Variants in ARHGAP26 observed in about 807,000 individuals in gnomAD.
ARHGAP26 encodes rho GTPase-activating protein 26.
In ARHGAP26, 38 loss-of-function variants were observed where a neutral mutation model predicts 104.8. The observed-to-expected ratio is 0.36, with a 90% CI of 0.28 to 0.48. The LOEUF is 0.48. ARHGAP26 is among the 20% of genes least tolerant of loss of function. The pLI is 0.99. For synonymous variants in ARHGAP26, 341 were observed against 340.0 expected (o/e 1.00, Z -0.03); for missense variants, 704 against 947.9 (o/e 0.74, Z 3.38).
chr5:143,198,064 C>T (rs1328104833), intron 20 of ARHGAP26, among the ~76,000 whole-genome samples: 1 of 152,212 alleles, frequency 6.6e-6, no homozygotes, highest in African/African-American at 2.4e-5. Flanking sequence ...AGCATTTAAA[C>T]AGTGGCTTTA....
In ARHGAP26 at chr5:143,112,580, C is replaced by T. The variant is rs140858071; in HGVS notation, c.1539-8408C>T. Among the ~76,000 whole-genome samples, 284 of 152,218 alleles carry T rather than the reference C, an allele frequency of 1.9e-3. 2 individuals carry two copies. Among genetic ancestry groups the T allele is most frequent in the Middle Eastern group, 6.8e-3 (2 of 294 alleles). ...ATCTCCATAACTAATCTTGTAAAAC[C>T]GAAGCTCTGTATCCATTAAACAAAA... On this transcript the variant is annotated intron_variant, in intron 17 of 22. Coordinates refer to ENST00000645722, the MANE Select transcript of ARHGAP26 (RefSeq NM_001135608.3).
At chr5:143,012,456 G>A (rs1272390074) in intron 11 of ARHGAP26, among the ~76,000 whole-genome samples, 1 of 145,160 alleles carries the variant, frequency 6.9e-6, no homozygotes, top group Non-Finnish European at 1.5e-5. Flanking sequence ...TCTTTTCAGA[G>A]GTAGTTGCCT....
chr5:142,855,886 C>G (rs1752278485), intron 1 of ARHGAP26, among the ~76,000 whole-genome samples: 2 of 152,110 alleles, frequency 1.3e-5, no homozygotes, highest in South Asian at 4.1e-4. Flanking sequence ...GACTTATTAC[C>G]AGGAATGTAG....
At chr5:142,839,552 A>G (rs1220968572) in intron 1 of ARHGAP26, among the ~76,000 whole-genome samples, 1 of 152,076 alleles carries the variant, frequency 6.6e-6, no homozygotes, top group Non-Finnish European at 1.5e-5. Flanking sequence ...GATTTTTCTC[A>G]TTAAAAGAAT....
intron 1 of ARHGAP26, among the ~76,000 whole-genome samples, chr5:142,816,044 C>T (rs984514399): frequency 7.2e-5 from 11 of 152,056 alleles, no homozygotes; most frequent in East Asian, 1.9e-4. Flanking sequence ...GCCGTCCACC[C>T]GCCTGGGCCT....
At chr5:142,913,539 C>G (rs774718289) in intron 10 of ARHGAP26, among the ~76,000 whole-genome samples, 14 of 152,124 alleles carry the variant, frequency 9.2e-5, no homozygotes, top group Admixed American at 2.0e-4. Flanking sequence ...AGCACTGAAT[C>G]ACTGGCTTGG....
intron 11 of ARHGAP26, among the ~76,000 whole-genome samples, chr5:142,997,752 CTT>C (rs376062186): frequency 2.7e-4 from 39 of 145,190 alleles, no homozygotes; most frequent in African/African-American, 9.3e-4. Flanking sequence ...TTTAGTGCTA[CTT>C]TTTTTTTTTT....
chr5:143,126,878 T>G (rs1796788717), intron 18 of ARHGAP26, among the ~76,000 whole-genome samples: 1 of 152,188 alleles, frequency 6.6e-6, no homozygotes, highest in Non-Finnish European at 1.5e-5. Context: ...ATGAACAGAA[T>G]CTTTTCTCCA....
At chr5:143,077,176 C>A (rs942833801) in intron 17 of ARHGAP26, among the ~76,000 whole-genome samples, 2 of 152,158 alleles carry the variant, frequency 1.3e-5, no homozygotes, top group African/African-American at 4.8e-5. Context: ...TCTGTGAATG[C>A]CTCAGGTATG....
chr5:143,168,184 A>G (rs1362439306), intron 20 of ARHGAP26, among the ~76,000 whole-genome samples: 1 of 152,200 alleles, frequency 6.6e-6, no homozygotes, highest in East Asian at 1.9e-4. Flanking sequence ...GGAGCTGCTC[A>G]TAGTTAACTT....
At chr5:142,892,225 G>A (rs1471560537) in intron 5 of ARHGAP26, among the ~76,000 whole-genome samples, 1 of 151,970 alleles carries the variant, frequency 6.6e-6, no homozygotes, top group East Asian at 1.9e-4. Flanking sequence ...AGGTCTAGAT[G>A]AGGATGGCTC....
In ARHGAP26 at chr5:143,222,443, C is replaced by T. The variant is rs202210306; in HGVS notation, c.2277C>T (p.Leu759=). The change falls in exon 23 of 23, where the codon CTC becomes CTT. Residue 759 remains leucine, a synonymous_variant. Coordinates refer to ENST00000645722, the MANE Select transcript of ARHGAP26 (RefSeq NM_001135608.3). ...TCCCTGAGAATTACGTGGAGTTCCTCTAACCGTGGGCCCCAGCAGAACTGC... is the reference window on the plus strand; with the variant it reads ...TCCCTGAGAATTACGTGGAGTTCCTTTAACCGTGGGCCCCAGCAGAACTGC... ...GLIPENYVEF[L] 3 of 1,592,432 alleles carry T rather than the reference C, an allele frequency of 1.9e-6. No individual in the cohort carries two copies. The highest frequency in any genetic ancestry group is 2.6e-6 in the Non-Finnish European group (3 of 1,164,606).
intron 20 of ARHGAP26, chr5:143,202,450 T>C (rs1250433306): frequency 2.6e-5 from 4 of 152,200 alleles, no homozygotes; most frequent in Non-Finnish European, 5.9e-5. Flanking sequence ...TCCATGTTCA[T>C]GGATAGGAAG....
intron 5 of ARHGAP26, among the ~76,000 whole-genome samples, chr5:142,893,125 G>T (rs1373649942): frequency 6.6e-6 from 1 of 151,336 alleles, no homozygotes; most frequent in Admixed American, 6.6e-5. Flanking sequence ...GCTACCATAT[G>T]TGCTACCATG....
chr5:142,830,426 G>T (rs1768171525), intron 1 of ARHGAP26, among the ~76,000 whole-genome samples: 1 of 152,114 alleles, frequency 6.6e-6, no homozygotes, highest in African/African-American at 2.4e-5. Flanking sequence ...GGAAGTGAAG[G>T]ATTTTTCCGT....
At chr5:143,208,041 A>G (rs1224338922) in intron 21 of ARHGAP26, among the ~76,000 whole-genome samples, 2 of 152,322 alleles carry the variant, frequency 1.3e-5, no homozygotes, top group African/African-American at 4.8e-5. Flanking sequence ...TCTGTGTGTC[A>G]TGAAGCCTGA....
chr5:142,863,106 G>T (rs74897084), intron 1 of ARHGAP26, among the ~76,000 whole-genome samples: 5 of 141,978 alleles, frequency 3.5e-5, no homozygotes, highest in East Asian at 4.1e-4. Context: ...TTCAAGTGAG[G>T]TTTTTTTTTT....
chr5:143,076,257 C>G, intron 17 of ARHGAP26, among the ~76,000 whole-genome samples: 1 of 149,662 alleles, frequency 6.7e-6, no homozygotes. Context: ...CTCAGCCTCT[C>G]AAAATGCTGG....
At chr5:142,950,003 A>G (rs968145334) in intron 11 of ARHGAP26, among the ~76,000 whole-genome samples, 2 of 152,228 alleles carry the variant, frequency 1.3e-5, no homozygotes, top group Non-Finnish European at 2.9e-5. Flanking sequence ...GTAATGGCAC[A>G]TTATCTCTCC....
Sources: gnomAD v4.1 joint callset for allele counts (sites outside exome capture counted in the v4.1 genomes callset) on GRCh38, gnomAD v4.1.1 for gene constraint, MANE v1.5 for transcripts, NCBI Gene and HGNC (gene_info 2026-07-23, HGNC 2026-07-21) for gene names.